The following KCND3 variants were observed in gnomAD, a reference collection of about 807,000 sequenced individuals.
KCND3 encodes the protein potassium voltage-gated channel subfamily D member 3, also known as A-type voltage-gated potassium channel KCND3.
Under a neutral mutation model 51.1 loss-of-function variants are expected in KCND3, and 9 were observed. That is an observed-to-expected ratio of 0.18 (90% CI 0.11 to 0.31). The LOEUF is 0.31. Ranked by LOEUF, KCND3 falls within the 10% of genes least tolerant of loss-of-function variation. The pLI is 1.00. For synonymous variants in KCND3, 349 were observed against 368.0 expected, an observed-to-expected ratio of 0.95 and a Z score of 0.59; for missense variants, 526 against 903.8, an observed-to-expected ratio of 0.58 and a Z score of 5.36.
chr1:111,836,124 T>C (rs1667052828), intron 2 of KCND3, among the ~76,000 whole-genome samples: 1 of 152,252 alleles, frequency 6.6e-6, no homozygotes. Flanking sequence ...CTGAAGGATG[T>C]TGAAGTTCAC....
chr1:111,960,421 G>C (rs985374337), intron 2 of KCND3, among the ~76,000 whole-genome samples: 3 of 152,200 alleles, frequency 2.0e-5, no homozygotes. Flanking sequence ...CCTCCAAACA[G>C]AGAAACAGGG....
chr1:111,810,816 C>G (rs1179642431), intron 2 of KCND3, among the ~76,000 whole-genome samples: 1 of 152,142 alleles, frequency 6.6e-6, no homozygotes, highest in East Asian at 1.9e-4. Flanking sequence ...CAGAGTCTGT[C>G]TGGGTTTTTT....
At chr1:111,903,417 C>G (rs1227543238) in intron 2 of KCND3, among the ~76,000 whole-genome samples, 1 of 152,222 alleles carries the variant, frequency 6.6e-6, no homozygotes, top group Non-Finnish European at 1.5e-5. Context: ...ACAGCACCCA[C>G]TCAGTATGTC....
rs545801223 is a variant in KCND3 at position 111,899,244 on chromosome 1, A to T, written c.1106+82377T>A. Among the ~76,000 whole-genome samples the T allele has an allele frequency of 3.3e-5, 5 of 152,340 alleles. No individual in the cohort carries two copies. The East Asian group carries it at 9.7e-4, about 29-fold the overall frequency. ...GGTGACTCCACAGAGCCCTGATAGT[A>T]ACACTGATCCCCCAGGGGCTTCTCA... On this transcript the variant is annotated intron_variant, in intron 2 of 7. Transcript: ENST00000302127.
intron 2 of KCND3, among the ~76,000 whole-genome samples, chr1:111,852,582 C>T (rs144774310): frequency 9.2e-5 from 14 of 152,144 alleles, no homozygotes; most frequent in Non-Finnish European, 1.3e-4. Flanking sequence ...ATAATCCAGA[C>T]AGAGGGGAGT....
intron 2 of KCND3, among the ~76,000 whole-genome samples, chr1:111,917,391 A>G (rs1340047988): frequency 1.3e-5 from 2 of 152,206 alleles, no homozygotes; most frequent in African/African-American, 4.8e-5. Flanking sequence ...CTGCACTGCA[A>G]GTATGTGGAG....
intron 2 of KCND3, among the ~76,000 whole-genome samples, chr1:111,944,986 G>A (rs1200664032): frequency 6.6e-6 from 1 of 152,214 alleles, no homozygotes; most frequent in Non-Finnish European, 1.5e-5. Flanking sequence ...TGGGGCAGGG[G>A]CCTCAGTGCC....
chr1:111,814,255 T>C (rs566708910), intron 2 of KCND3, among the ~76,000 whole-genome samples: 2 of 148,884 alleles, frequency 1.3e-5, no homozygotes, highest in Admixed American at 1.3e-4. Context: ...AGCAGGCTCG[T>C]GGAGGAGCCC....
chr1:111,906,297 C>T (rs929089184), intron 2 of KCND3, among the ~76,000 whole-genome samples: 4 of 152,136 alleles, frequency 2.6e-5, no homozygotes, highest in East Asian at 1.9e-4. Context: ...TGAACACGCC[C>T]GAACATCTGC....
chr1:111,845,086 A>G (rs1443562841), intron 2 of KCND3, among the ~76,000 whole-genome samples: 1 of 152,100 alleles, frequency 6.6e-6, no homozygotes, highest in Non-Finnish European at 1.5e-5. Flanking sequence ...AAGCCCTGCC[A>G]TCTACAGTGA....
intron 3 of KCND3, among the ~76,000 whole-genome samples, chr1:111,781,938 G>C (rs74112126): frequency 0.042 from 6,450 of 152,230 alleles, 184 homozygotes; most frequent in African/African-American, 0.078. Flanking sequence ...TTTCTTGCTA[G>C]TTTAAAAAAA....
At chr1:111,905,839 C>T (rs111435547) in intron 2 of KCND3, among the ~76,000 whole-genome samples, 2,067 of 152,176 alleles carry the variant, frequency 0.014, 44 homozygotes, top group African/African-American at 0.047. Context: ...GGCCTGGGGA[C>T]GCCTGACCTT....
intron 2 of KCND3, among the ~76,000 whole-genome samples, chr1:111,980,397 T>G (rs1297976377): frequency 6.6e-6 from 1 of 152,032 alleles, no homozygotes; most frequent in Non-Finnish European, 1.5e-5. Flanking sequence ...ACAAATGTAA[T>G]CATTTTAAAA....
chr1:111,866,840 G>C (rs1025718753), intron 2 of KCND3, among the ~76,000 whole-genome samples: 3 of 152,130 alleles, frequency 2.0e-5, no homozygotes, highest in Non-Finnish European at 4.4e-5. Context: ...TTCTAAATCA[G>C]GTCTAATGGC....
chr1:111,883,144 C>T (rs957851928), intron 2 of KCND3, among the ~76,000 whole-genome samples: 2 of 152,246 alleles, frequency 1.3e-5, no homozygotes, highest in Non-Finnish European at 1.5e-5. Flanking sequence ...CCATCTGAAC[C>T]TTCCAGCCCC....
At chr1:111,824,669 G>A (rs1032352995) in intron 2 of KCND3, among the ~76,000 whole-genome samples, 4 of 152,100 alleles carry the variant, frequency 2.6e-5, no homozygotes, top group Admixed American at 6.5e-5. Context: ...CCCATCCTCA[G>A]AAAACCGACC....
At chr1:111,811,717 G>A (rs1428612851) in intron 2 of KCND3, among the ~76,000 whole-genome samples, 1 of 152,148 alleles carries the variant, frequency 6.6e-6, no homozygotes, top group Admixed American at 6.5e-5. Context: ...ATAAGACAAA[G>A]CCTTCATTAT....
chr1:111,815,372 G>T (rs1482554878), intron 2 of KCND3, among the ~76,000 whole-genome samples: 2 of 151,590 alleles, frequency 1.3e-5, no homozygotes, highest in East Asian at 3.9e-4. Flanking sequence ...CCAAACTCTG[G>T]TCAGGCTTCT....
intron 2 of KCND3, among the ~76,000 whole-genome samples, chr1:111,830,363 C>T (rs182941943): frequency 1.2e-4 from 19 of 152,312 alleles, no homozygotes; most frequent in Admixed American, 2.6e-4. Context: ...AGACCTTGCA[C>T]TCATTCATGA....
Sources: gnomAD v4.1 joint callset for allele counts (sites outside exome capture counted in the v4.1 genomes callset) on GRCh38, gnomAD v4.1.1 for gene constraint, MANE v1.5 for transcripts, NCBI Gene and HGNC (gene_info 2026-07-23, HGNC 2026-07-21) for gene names.